Variants in DNAH10 observed in about 807,000 individuals in gnomAD.
DNAH10 encodes axonemal beta dynein heavy chain 10.
A neutral mutation model predicts 506.6 loss-of-function variants in DNAH10; 348 were observed. That is an observed-to-expected ratio of 0.69 (90% CI 0.63 to 0.75). The LOEUF (loss-of-function observed/expected upper bound fraction) is 0.75, where lower values mean the gene tolerates loss of function less well. DNAH10 is among the 30% of genes least tolerant of loss of function. DNAH10 has a pLI of 0.00. For synonymous variants in DNAH10, 2,059 were observed against 2,198.6 expected, an observed-to-expected ratio of 0.94 and a Z score of 1.78; for missense variants, 5,179 against 5,787.1, an observed-to-expected ratio of 0.89 and a Z score of 3.41.
chr12:123,908,880 G>A (rs1953933049), intron 57 of DNAH10, among the ~76,000 whole-genome samples: 1 of 152,166 alleles, frequency 6.6e-6, no homozygotes, highest in African/African-American at 2.4e-5. Context: ...TGATGATGAT[G>A]ATGATAATGA....
intron 2 of DNAH10, among the ~76,000 whole-genome samples, chr12:123,769,002 G>T (rs1323580147): frequency 6.6e-6 from 1 of 152,196 alleles, no homozygotes; most frequent in Non-Finnish European, 1.5e-5. Flanking sequence ...GCCTTCCAAA[G>T]TGTTGGGATT....
In DNAH10 at chr12:123,903,076, C is replaced by T; in HGVS notation, c.9778C>T (p.Leu3260=). Residue 3260 remains leucine (L), a synonymous_variant, in exon 57 of 79, where the codon CTG becomes TTG. Transcript: ENST00000673944. This position sits in a 1 kb window ranked among gnomAD's most constrained non-coding sequence, Gnocchi z 4.6. ...MPILEAAKLE[L]QKLDKSDVTE... is the part of the protein sequence containing the mutation. ...CATCCTGGAGGCCGCCAAGCTGGAA[C>T]TGCAGAAGCTGGACAAGTCGGACGT... 6.2e-6 allele frequency: 10 copies of T among 1,612,048 alleles called. No individual in the cohort carries two copies. Among genetic ancestry groups the T allele is most frequent in the Non-Finnish European group, 8.5e-6 (10 of 1,179,096 alleles).
chr12:123,829,458 G>A lies in DNAH10; in HGVS notation c.4392-1088G>A, dbSNP rs115350765. Among the ~76,000 whole-genome samples, 1,373 of 152,292 alleles carry A rather than the reference G, an allele frequency of 9.0e-3. 20 individuals are homozygous for A. Among genetic ancestry groups the A allele is most frequent in the African/African-American group, 0.031 (1,274 of 41,556 alleles). On this transcript the variant is annotated intron_variant, in intron 25 of 78. Transcript: ENST00000673944. Reference sequence around the variant, plus strand: ...AACAACCAAAGTCACCATCGCCATCGTGGCCTGTGAATGTTATCCATAGTA... The same window carrying A: ...AACAACCAAAGTCACCATCGCCATCATGGCCTGTGAATGTTATCCATAGTA...
At position 123,762,367 on chromosome 12, in the gene DNAH10, G is replaced by T. The variant is rs751648276; in HGVS notation, c.31G>T (p.Asp11Tyr). 2.8e-5 allele frequency: 38 copies of T among 1,363,024 alleles called. No individual in the cohort carries two copies. Among genetic ancestry groups the T allele is most frequent in the Non-Finnish European group, 3.5e-5 (37 of 1,054,658 alleles). 84.4% of individuals were successfully genotyped at this position (1,363,024 alleles called of 1,614,324 possible). The change falls in exon 1 of 79, where the codon GAC (aspartate) becomes TAC (tyrosine). Residue 11 changes from aspartate to tyrosine, a missense_variant. Physicochemically the swap from Asp to Tyr is radical, Grantham distance 160 (BLOSUM62 -3). Transcript: ENST00000673944. This position sits in a 1 kb window ranked among gnomAD's most constrained non-coding sequence, Gnocchi z 5.0. MDDLRVLWMRDRVYAAFGITD... is the reference protein window; with the variant it reads MDDLRVLWMRYRVYAAFGITD... The stretch of plus-strand genomic sequence containing the variant: ...CGACCTGCGGGTGCTGTGGATGCGC[G>T]ACCGCGTGTATGCGGCTTTCGGCAT...
At position 123,871,679 on chromosome 12, in the gene DNAH10, C is replaced by T. The variant is rs1952042883; in HGVS notation, c.7785+77C>T. 2.0e-6 allele frequency: 3 copies of T among 1,471,896 alleles called. No homozygotes were observed. In the Admixed American group the frequency reaches 6.1e-5, roughly 30 times the overall value. The allele number at this position is 1,471,896 out of a possible 1,614,324, so 91.2% of individuals were successfully genotyped here. On this transcript the variant is annotated intron_variant, in intron 45 of 78. Transcript: ENST00000673944. ...GTGCATAGCAGCTTCATACCACAAG[C>T]ACTGTGATCTCACAGTTTCCGTGGG...
rs768166240 is a variant in DNAH10, at chr12:123,853,949, C to G, written c.6438+597C>G. 9.2e-4 allele frequency among the ~76,000 whole-genome samples: 140 copies of G among 151,460 alleles called. No individual in the cohort carries two copies. Among genetic ancestry groups the G allele is most frequent in the Non-Finnish European group, 1.7e-3 (114 of 67,936 alleles). ...GCACGCACACGCACACGCACACACA[C>G]ACACATTTGGGTAGTAAAAAAAAAA... On this transcript the variant is annotated intron_variant, in intron 36 of 78. Coordinates refer to ENST00000673944, the MANE Select transcript of DNAH10 (RefSeq NM_001372106.1). This position sits in a 1 kb window ranked among gnomAD's most constrained non-coding sequence, Gnocchi z 4.7.
intron 24 of DNAH10, among the ~76,000 whole-genome samples, chr12:123,825,180 A>G (rs1267647617): frequency 6.6e-6 from 1 of 152,154 alleles, no homozygotes; most frequent in Non-Finnish European, 1.5e-5. Flanking sequence ...AAGAGGATGG[A>G]AGATTGATCA....
chr12:123,890,521 A>C (rs1003789292), intron 52 of DNAH10, among the ~76,000 whole-genome samples: 12 of 151,454 alleles, frequency 7.9e-5, no homozygotes, highest in African/African-American at 2.7e-4. Context: ...CCTGGGCTCT[A>C]GTGTTTTTCC....
chr12:123,839,808 G>A lies in DNAH10; in HGVS notation c.5136+1119G>A, dbSNP rs182387216. On this transcript the variant is annotated intron_variant, in intron 29 of 78. Coordinates refer to ENST00000673944, the MANE Select transcript of DNAH10 (RefSeq NM_001372106.1). Reference sequence around the variant, plus strand: ...CTCCCGAGTAGCTGGGACTACAGGCGCCAGCCACTGTCATGAATTTGTTAT... The same window carrying A: ...CTCCCGAGTAGCTGGGACTACAGGCACCAGCCACTGTCATGAATTTGTTAT... 7.5e-3 allele frequency among the ~76,000 whole-genome samples: 1,135 copies of A among 151,898 alleles called. 12 individuals carry two copies. Among genetic ancestry groups the A allele is most frequent in the African/African-American group, 0.026 (1,075 of 41,420 alleles).
At chr12:123,829,250 G>T (rs957087433) in intron 25 of DNAH10, among the ~76,000 whole-genome samples, 3 of 152,160 alleles carry the variant, frequency 2.0e-5, no homozygotes, top group Non-Finnish European at 2.9e-5. Context: ...TGTAGCTGGG[G>T]TTCACAGCAT....
chr12:123,935,352 C>G lies in DNAH10; in HGVS notation c.13641C>G (p.Pro4547=). ...CCTTGCAGAATACTTTCCGGACCCCCGTCTACACCACCTCCATGAGAAGGA... is the reference window on the plus strand; with the variant it reads ...CCTTGCAGAATACTTTCCGGACCCCGGTCTACACCACCTCCATGAGAAGGA... ...RLKLQNTFRT[P]VYTTSMRRNA... The change falls in exon 79 of 79, where the codon CCC becomes CCG. Residue 4547 remains proline, a synonymous_variant. Transcript: ENST00000673944. The G allele has an allele frequency of 6.2e-7, 1 of 1,605,374 alleles. No individual in the cohort carries two copies. The highest frequency in any genetic ancestry group is 8.5e-7 in the Non-Finnish European group (1 of 1,172,848).
At chr12:123,933,985 C>T (rs1472399256) in intron 77 of DNAH10, 41 of 477,450 alleles carry the variant, frequency 8.6e-5, no homozygotes, top group Non-Finnish European at 3.0e-5. Flanking sequence ...GCTGTTTCCC[C>T]GGGTCCATGT....
Position 123,790,026 on chromosome 12 carries a change from G to T in DNAH10, c.1720G>T (p.Val574Phe). ...DDVLCRVDGL[V>F]TPMENLTFDP... Reference sequence around the variant, plus strand: ...TGTCCTATGCAGAGTGGACGGCCTAGTCACCCCCATGGAAAACCTGACCTT... The same window carrying T: ...TGTCCTATGCAGAGTGGACGGCCTATTCACCCCCATGGAAAACCTGACCTT... The change falls in exon 11 of 79, where the codon GTC (valine) becomes TTC (phenylalanine). Residue 574 changes from valine (V) to phenylalanine (F), a missense_variant. Around this residue, in one of 3 missense-constraint regions of DNAH10, gnomAD observed 4,844 missense variants for 5,430.5 expected, o/e 0.89. Coordinates refer to ENST00000673944, the MANE Select transcript of DNAH10 (RefSeq NM_001372106.1). The T allele has an allele frequency of 6.2e-7, 1 of 1,614,146 alleles. No homozygotes were observed. The highest frequency in any genetic ancestry group is 2.2e-5 in the East Asian group (1 of 44,886).
At chr12:123,898,632 A>T (rs757180958) in intron 55 of DNAH10, 21 bp from the exon 56 acceptor site, 1 of 1,502,112 alleles carries the variant, frequency 6.7e-7, no homozygotes, top group South Asian at 1.3e-5. Flanking sequence ...GACGATGAAC[A>T]TAGGTGCCCT....
chr12:123,922,355 C>G (rs1019250405), intron 65 of DNAH10, among the ~76,000 whole-genome samples: 4 of 151,986 alleles, frequency 2.6e-5, no homozygotes, highest in African/African-American at 7.2e-5. Flanking sequence ...AAACAACAAA[C>G]AAACAAAAAA....
chr12:123,853,158 T>G lies in DNAH10; in HGVS notation c.6292-48T>G, dbSNP rs536407661. 3 of 1,484,664 alleles carry G rather than the reference T, an allele frequency of 2.0e-6. No homozygotes were observed. The highest frequency in any genetic ancestry group is 2.7e-5 in the South Asian group (2 of 73,086). The allele number at this position is 1,484,664 out of a possible 1,614,324, so 92.0% of individuals were successfully genotyped here. On this transcript the variant is annotated intron_variant, in intron 35 of 78. Coordinates refer to ENST00000673944, the MANE Select transcript of DNAH10 (RefSeq NM_001372106.1). This position sits in a 1 kb window ranked among gnomAD's most constrained non-coding sequence, Gnocchi z 4.7. Reference sequence around the variant, plus strand: ...AGAATGATGCTCCATTGCTTTTGAATCATTTTCTTTTTTCTTTTTTTTTGT... The same window carrying G: ...AGAATGATGCTCCATTGCTTTTGAAGCATTTTCTTTTTTCTTTTTTTTTGT...
At chr12:123,790,604 A>G (rs1568029) in intron 11 of DNAH10, among the ~76,000 whole-genome samples, 116,640 of 151,970 alleles carry the variant, frequency 0.77, 45,766 homozygotes, top group East Asian at 1. Flanking sequence ...TCAGGTGGGA[A>G]GAACAGTGTG....
chr12:123,901,305 G>A (rs568168883), intron 56 of DNAH10, among the ~76,000 whole-genome samples: 69 of 152,148 alleles, frequency 4.5e-4, no homozygotes, highest in Non-Finnish European at 8.4e-4. Flanking sequence ...GCCTCAGCAC[G>A]CTCACAGCTT....
chr12:123,910,476 A>G, intron 58 of DNAH10, 60 bp from the exon 59 acceptor site: 1 of 1,585,122 alleles, frequency 6.3e-7, no homozygotes, highest in South Asian at 1.2e-5. Flanking sequence ...TATTTTGTCT[A>G]TTTTATGCTC....
Sources: allele counts gnomAD v4.1 joint callset (sites outside exome capture counted in the v4.1 genomes callset), GRCh38; gene constraint gnomAD v4.1.1; regional missense constraint gnomAD v4.1.1; non-coding constraint Gnocchi (gnomAD v3.1); transcripts MANE v1.5; gene names NCBI Gene and HGNC (gene_info 2026-07-23, HGNC 2026-07-21).